Variants in IL37 observed in about 807,000 individuals in gnomAD.
The protein encoded by IL37 is interleukin-37.
Under a neutral mutation model 15.4 loss-of-function variants are expected in IL37, and 15 were observed. The observed-to-expected ratio is 0.98, with a 90% CI of 0.65 to 1.50. IL37 has a LOEUF of 1.50. Among genes scored for constraint, IL37 ranks in the 40% most tolerant of loss-of-function variants. IL37 has a pLI of 0.00. For missense variants in IL37, 269 were observed against 261.7 expected (o/e 1.03, Z -0.19); for synonymous variants, 98 against 97.4 (o/e 1.01, Z -0.03).
intron 3 of IL37, 147 bp from the exon 4 acceptor site, chr2:112,916,982 G>A: frequency 1.2e-6 from 1 of 840,024 alleles, no homozygotes; most frequent in Non-Finnish European, 1.8e-6. Flanking sequence ...TAGAAAGCCT[G>A]GGAGTGGAAG....
Position 112,918,744 on chromosome 2 carries a change from C to A in IL37, c.592C>A (p.His198Asn). 6.2e-7 allele frequency: 1 copy of A among 1,614,102 alleles called. No homozygotes were observed. Among genetic ancestry groups the A allele is most frequent in the Non-Finnish European group, 8.5e-7 (1 of 1,180,026 alleles). ...GVTDKFENRK[H>N]IEFSFQPVCK... is the part of the protein sequence containing the mutation. Reference sequence around the variant, plus strand: ...GACAGATAAATTTGAGAACAGGAAACACATTGAATTTTCATTTCAACCAGT... The same window carrying A: ...GACAGATAAATTTGAGAACAGGAAAAACATTGAATTTTCATTTCAACCAGT... The change falls in exon 6 of 6, where the codon CAC becomes AAC. Residue 198 changes from histidine (H) to asparagine (N), a missense_variant. His to Asn is a moderately conservative substitution (Grantham distance 68). Coordinates refer to ENST00000263326, the MANE Select transcript of IL37 (RefSeq NM_014439.4).
At chr2:112,912,248 T>C (rs2708961) in intron 1 of IL37, among the ~76,000 whole-genome samples, 14,522 of 152,168 alleles carry the variant, frequency 0.095, 894 homozygotes, top group African/African-American at 0.16. Context: ...GGGCTGATGT[T>C]GAAAGCTCTC....
intron 1 of IL37, among the ~76,000 whole-genome samples, 172 bp from the exon 2 acceptor site, chr2:112,912,791 T>C (rs1683205306): frequency 6.6e-6 from 1 of 152,206 alleles, no homozygotes. Flanking sequence ...AAATTCTGCT[T>C]TGAAGGCGTG....
chr2:112,917,758 A>G lies in IL37; in HGVS notation c.389A>G (p.His130Arg), dbSNP rs1461682607. ...LYCDKDKGQSHPSLQLKKEKL... is the reference protein window; with the variant it reads ...LYCDKDKGQSRPSLQLKKEKL... ...TGTGACAAGGATAAAGGACAAAGTC[A>G]TCCATCCCTTCAGCTGAAGGTGAGA... The change falls in exon 5 of 6, where the codon CAT becomes CGT. Residue 130 changes from histidine (H) to arginine (R), a missense_variant. Coordinates refer to ENST00000263326, the MANE Select transcript of IL37 (RefSeq NM_014439.4). 1 of 1,614,180 alleles carries G rather than the reference A, an allele frequency of 6.2e-7. No homozygotes were observed. The highest frequency in any genetic ancestry group is 1.1e-5 in the South Asian group (1 of 91,074).
In IL37 at chr2:112,913,805, C is replaced by A. The variant is rs1379690987; in HGVS notation, c.96C>A (p.Ser32Arg). Residue 32 changes from serine to arginine, a missense_variant, in exon 3 of 6, where the codon AGC (serine) becomes AGA (arginine). Transcript: ENST00000263326. ...GTCTGACTGCAGACCCGGCTGGAAGCCCCCTGGAACCAGGCCCAAGCCTCC... is the reference window on the plus strand; with the variant it reads ...GTCTGACTGCAGACCCGGCTGGAAGACCCCTGGAACCAGGCCCAAGCCTCC... ...PQCCLEDPAG[S>R]PLEPGPSLPT... is the part of the protein sequence containing the mutation. 1.2e-6 allele frequency: 2 copies of A among 1,613,332 alleles called. No individual in the cohort carries two copies. The highest frequency in any genetic ancestry group is 2.2e-5 in the East Asian group (1 of 44,882).
At chr2:112,915,350 G>T (rs1558801897) in intron 3 of IL37, 6 of 1,081,030 alleles carry the variant, frequency 5.6e-6, no homozygotes, top group Non-Finnish European at 8.3e-6. Context: ...AGAATCTCAG[G>T]AGTGTGAGGC....
chr2:112,915,088 A>G (rs2723178), intron 3 of IL37: 76,939 of 998,234 alleles, frequency 0.077, 3,695 homozygotes, highest in African/African-American at 0.17. Context: ...AAGACCACTC[A>G]CACCTTCAGA....
intron 1 of IL37, 77 bp from the exon 2 acceptor site, chr2:112,912,886 G>C (rs1263629510): frequency 1.6e-6 from 1 of 643,722 alleles, no homozygotes; most frequent in Non-Finnish European, 2.6e-6. Context: ...CCAGTGGTCT[G>C]TTCAGCACTA....
rs1184503387 is a variant in IL37 at position 112,913,107 on chromosome 2, T to C, written c.82+13T>C. 6.6e-7 allele frequency: 1 copy of C among 1,522,160 alleles called. No homozygotes were observed. Among genetic ancestry groups the C allele is most frequent in the Non-Finnish European group, 8.8e-7 (1 of 1,137,938 alleles). 94.3% of individuals were successfully genotyped at this position (1,522,160 alleles called of 1,614,324 possible). A position where few individuals can be genotyped will look rare whatever the true frequency, so the allele number is the denominator to read the frequency against. On this transcript the variant is annotated intron_variant, in intron 2 of 5. Coordinates refer to ENST00000263326, the MANE Select transcript of IL37 (RefSeq NM_014439.4). ...TGCTGCTTAGAAGGTAAGGTTCTTG[T>C]AGAAATCTACCTCAGGGCCAAAGTG...
At chr2:112,915,385 C>A in intron 3 of IL37, 1 of 759,432 alleles carries the variant, frequency 1.3e-6, no homozygotes, top group Non-Finnish European at 2.2e-6. Context: ...TCTTAAAATG[C>A]CACCCACCAG....
rs1683372861 is a variant in IL37, at chr2:112,918,430, C to A, written c.409-131C>A. 8 of 1,053,508 alleles carry A rather than the reference C, an allele frequency of 7.6e-6. No homozygotes were observed. The Middle Eastern group carries it at 1.3e-3, about 171-fold the overall frequency. The allele number at this position is 1,053,508 out of a possible 1,614,324, so 65.3% of individuals were successfully genotyped here. A position where few individuals can be genotyped will look rare whatever the true frequency, so the allele number is the denominator to read the frequency against. ...ACCAGTACCAAGGCTGACACGTCAT[C>A]TTTCCCAAGGACCATCTGCCTTCTC... On this transcript the variant is annotated intron_variant, in intron 5 of 5. Coordinates refer to ENST00000263326, the MANE Select transcript of IL37 (RefSeq NM_014439.4).
chr2:112,918,730 T>C lies in IL37; in HGVS notation c.578T>C (p.Phe193Ser), dbSNP rs771874844. Reference protein sequence around the residue: ...CNEPVGVTDKFENRKHIEFSF... With the variant: ...CNEPVGVTDKSENRKHIEFSF... The stretch of plus-strand genomic sequence containing the variant: ...GAGCCTGTTGGGGTGACAGATAAAT[T>C]TGAGAACAGGAAACACATTGAATTT... Residue 193 changes from phenylalanine to serine, a missense_variant, in exon 6 of 6, where the codon TTT becomes TCT. Physicochemically the swap from Phe to Ser is radical, Grantham distance 155 (BLOSUM62 -2). Coordinates refer to ENST00000263326, the MANE Select transcript of IL37 (RefSeq NM_014439.4). 9 of 1,614,072 alleles carry C rather than the reference T, an allele frequency of 5.6e-6. No homozygotes were observed. In the South Asian group the frequency reaches 8.8e-5, roughly 16 times the overall value.
intron 5 of IL37, among the ~76,000 whole-genome samples, chr2:112,918,336 A>C (rs1038272220): frequency 8.2e-6 from 1 of 121,564 alleles, no homozygotes; most frequent in Non-Finnish European, 1.8e-5. Context: ...TCTCTCTCTC[A>C]GTTTATTTTT....
At position 112,918,671 on chromosome 2, in the gene IL37, C is replaced by G. The variant is rs554591883; in HGVS notation, c.519C>G (p.Pro173=). The part of the protein sequence containing the change: ...SWNMLESAAH[P]GWFICTSCNC... ...ACATGCTGGAGTCGGCGGCTCACCCCGGATGGTTCATCTGCACCTCCTGCA... is the reference window on the plus strand; with the variant it reads ...ACATGCTGGAGTCGGCGGCTCACCCGGGATGGTTCATCTGCACCTCCTGCA... The change falls in exon 6 of 6, where the codon CCC becomes CCG. Residue 173 remains proline (P), a synonymous_variant. Coordinates refer to ENST00000263326, the MANE Select transcript of IL37 (RefSeq NM_014439.4). The G allele has an allele frequency of 2.5e-6, 4 of 1,614,112 alleles. No homozygotes were observed. Among genetic ancestry groups the G allele is most frequent in the Non-Finnish European group, 2.5e-6 (3 of 1,180,028 alleles).
intron 3 of IL37, among the ~76,000 whole-genome samples, chr2:112,916,333 G>T (rs1683310054): frequency 6.6e-6 from 1 of 152,052 alleles, no homozygotes; most frequent in South Asian, 2.1e-4. Flanking sequence ...AGAGGTGAGG[G>T]TCACCTGTCC....
In IL37 at chr2:112,917,260, T is replaced by C; in HGVS notation, c.265+12T>C. ...CTACATACGCCCAGGTGACTCTCAG[T>C]TTTGGCTGTGTTTTCTGCCTCCACC... On this transcript the variant is annotated intron_variant, in intron 4 of 5. Coordinates refer to ENST00000263326, the MANE Select transcript of IL37 (RefSeq NM_014439.4). 1 of 1,613,292 alleles carries C rather than the reference T, an allele frequency of 6.2e-7. No homozygotes were observed. Among genetic ancestry groups the C allele is most frequent in the Non-Finnish European group, 8.5e-7 (1 of 1,179,662 alleles).
Position 112,913,809 on chromosome 2 carries a change from C to A in IL37, c.100C>A (p.Leu34Met), listed in dbSNP as rs1683236404. 1 of 1,613,622 alleles carries A rather than the reference C, an allele frequency of 6.2e-7. No individual in the cohort carries two copies. Among genetic ancestry groups the A allele is most frequent in the Non-Finnish European group, 8.5e-7 (1 of 1,179,660 alleles). ...GACTGCAGACCCGGCTGGAAGCCCC[C>A]TGGAACCAGGCCCAAGCCTCCCCAC... ...CCLEDPAGSP[L>M]EPGPSLPTMN... Residue 34 changes from leucine to methionine, a missense_variant, in exon 3 of 6, where the codon CTG becomes ATG. Physicochemically the swap from Leu to Met is conservative, Grantham distance 15. Coordinates refer to ENST00000263326, the MANE Select transcript of IL37 (RefSeq NM_014439.4).
chr2:112,917,249 G>T lies in IL37; in HGVS notation c.265+1G>T. The T allele has an allele frequency of 6.2e-7, 1 of 1,613,814 alleles. No individual in the cohort carries two copies. Among genetic ancestry groups the T allele is most frequent in the South Asian group, 1.1e-5 (1 of 90,988 alleles). On this transcript the variant is annotated splice_donor_variant, in intron 4 of 5. Transcript: ENST00000263326. LOFTEE classifies it high-confidence loss of function. ...CCAGATAAAAACTACATACGCCCAG[G>T]TGACTCTCAGTTTTGGCTGTGTTTT... is the stretch of plus-strand genomic sequence containing the variant.
intron 1 of IL37, 121 bp from the exon 2 acceptor site, chr2:112,912,842 G>A (rs1683206295): frequency 6.1e-6 from 3 of 489,192 alleles, no homozygotes; most frequent in African/African-American, 6.1e-5. Context: ...GTGCCTTTCT[G>A]GTTGCAGCGA....
Sources: allele counts gnomAD v4.1 joint callset (sites outside exome capture counted in the v4.1 genomes callset), GRCh38; gene constraint gnomAD v4.1.1; transcripts MANE v1.5; gene names NCBI Gene and HGNC (gene_info 2026-07-23, HGNC 2026-07-21).